The following NUCKS1 variants were observed in gnomAD, a reference collection of about 807,000 sequenced individuals.
The protein encoded by NUCKS1 is nuclear casein kinase and cyclin dependent kinase substrate 1, also known as nuclear ubiquitous casein and cyclin-dependent kinase substrate 1.
In NUCKS1, 2 loss-of-function variants were observed where a neutral mutation model predicts 33.0. The observed-to-expected ratio is 0.06, with a 90% confidence interval of 0.02 to 0.19. NUCKS1 has a LOEUF of 0.19. Ranked by LOEUF, NUCKS1 falls within the 10% of genes least tolerant of loss-of-function variation. The pLI, the probability that NUCKS1 is intolerant of heterozygous loss-of-function variation, is 1.00. For synonymous variants in NUCKS1, 106 were observed against 102.8 expected (o/e 1.03, Z -0.19); for missense variants, 201 against 293.6 (o/e 0.68, Z 2.31).
chr1:205,749,468 C>G (rs942172286), intron 1 of NUCKS1, among the ~76,000 whole-genome samples: 4 of 152,266 alleles, frequency 2.6e-5, no homozygotes, highest in African/African-American at 9.6e-5. Context: ...CCGTCCGCTA[C>G]AGAGAGGGCT....
chr1:205,746,453 T>TCTCACA (rs1491545867), intron 1 of NUCKS1, among the ~76,000 whole-genome samples: 64 of 124,576 alleles, frequency 5.1e-4, no homozygotes, highest in African/African-American at 2.0e-3. Flanking sequence ...TCTCTCTCTC[T>TCTCACA]CACACACACA....
intron 1 of NUCKS1, among the ~76,000 whole-genome samples, chr1:205,731,040 C>CA (rs1558052480): frequency 6.6e-6 from 1 of 151,996 alleles, no homozygotes; most frequent in African/African-American, 2.4e-5. Flanking sequence ...TTATAATGCA[C>CA]AAAAATTATG....
intron 1 of NUCKS1, among the ~76,000 whole-genome samples, chr1:205,745,446 C>A (rs1654296695): frequency 6.6e-6 from 1 of 151,910 alleles, no homozygotes; most frequent in Non-Finnish European, 1.5e-5. Context: ...CCTGTGATCG[C>A]ACCAGTGCAC....
At chr1:205,744,773 T>G (rs1374917857) in intron 1 of NUCKS1, among the ~76,000 whole-genome samples, 1 of 151,736 alleles carries the variant, frequency 6.6e-6, no homozygotes, top group Non-Finnish European at 1.5e-5. Flanking sequence ...GCTGAGATTA[T>G]AGGCATGCGC....
Position 205,750,014 on chromosome 1 carries a change from C to CCGGGGGGGGGGGGGGGGGGGGGGG in NUCKS1, c.-42_-41insCCCCCCCCCCCCCCCCCCCCCCCG. 1.1e-5 allele frequency: 17 copies of CCGGGGGGGGGGGGGGGGGGGGGGG among 1,568,882 alleles called. No individual in the cohort carries two copies. The highest frequency in any genetic ancestry group is 2.4e-5 in the East Asian group (1 of 41,622). ...AGGACCGAGTCGAGAAGCCAAAGAC[C>CCGGGGGGGGGGGGGGGGGGGGGGG]AGGACCCCCCCCACCCCGCGCGCTC... On this transcript the variant is annotated 5_prime_UTR_variant, in exon 1 of 7. Coordinates refer to ENST00000367142, the MANE Select transcript of NUCKS1 (RefSeq NM_022731.5).
intron 4 of NUCKS1, among the ~76,000 whole-genome samples, chr1:205,722,517 A>C (rs1571571693): frequency 6.6e-6 from 1 of 152,142 alleles, no homozygotes; most frequent in East Asian, 1.9e-4. Context: ...TTGGCCTCCC[A>C]AAGTGCTGGG....
intron 4 of NUCKS1, among the ~76,000 whole-genome samples, chr1:205,722,273 T>G (rs755170015): frequency 2.0e-5 from 3 of 152,008 alleles, no homozygotes; most frequent in Non-Finnish European, 4.4e-5. Flanking sequence ...GTTTGTTTTT[T>G]GAGATGGAGT....
rs1381891247 is a variant in NUCKS1 at position 205,716,123 on chromosome 1, CA to C, written c.*2156del. The C allele has an allele frequency of 2.6e-5, 4 of 152,258 alleles. No individual in the cohort carries two copies. Among genetic ancestry groups the C allele is most frequent in the African/African-American group, 9.6e-5 (4 of 41,552 alleles). The allele number at this position is 152,258 out of a possible 1,614,324, so 9.4% of individuals were successfully genotyped here. On this transcript the variant is annotated 3_prime_UTR_variant, in exon 7 of 7. Coordinates refer to ENST00000367142, the MANE Select transcript of NUCKS1 (RefSeq NM_022731.5). ...AACAAGAAGCCCAATCAAATGCACA[CA>C]AGTAATCTAGAAGACATGATTACCT...
intron 1 of NUCKS1, among the ~76,000 whole-genome samples, chr1:205,738,014 T>A (rs77365272): frequency 0.092 from 14,008 of 152,224 alleles, 920 homozygotes; most frequent in Non-Finnish European, 0.14. Context: ...AAAATTATAT[T>A]TATCTATTTT....
intron 1 of NUCKS1, among the ~76,000 whole-genome samples, chr1:205,736,756 G>A (rs934462608): frequency 2.0e-5 from 3 of 151,804 alleles, no homozygotes; most frequent in African/African-American, 4.8e-5. Context: ...GCTTGAACCC[G>A]GGGAACGGAG....
chr1:205,720,781 T>C (rs1009565626), intron 4 of NUCKS1, 128 bp from the exon 5 acceptor site: 10 of 869,886 alleles, frequency 1.1e-5, no homozygotes, highest in Non-Finnish European at 1.5e-5. Context: ...CAATATAGGA[T>C]ATAATCTGCA....
intron 1 of NUCKS1, among the ~76,000 whole-genome samples, chr1:205,741,297 C>CAAAAAAAAAAAAAAA (rs56979923): frequency 8.9e-5 from 7 of 78,920 alleles, no homozygotes; most frequent in East Asian, 3.3e-4. Context: ...GAGACTGTCT[C>CAAAAAAAAAAAAAAA]AAAAAAAAAA....
chr1:205,730,338 C>T (rs903104991), intron 1 of NUCKS1, among the ~76,000 whole-genome samples: 2 of 151,514 alleles, frequency 1.3e-5, no homozygotes, highest in Non-Finnish European at 1.5e-5. Flanking sequence ...CGAGCCACTG[C>T]ACCCAGCCAA....
rs531810509 is a variant in NUCKS1, at chr1:205,727,618, T to C, written c.173+82A>G. ...AGTACTTTTCAAAAGTATATGAGAT[T>C]CCAACAATTTAGAGATCAGAGACTG... On this transcript the variant is annotated intron_variant, in intron 3 of 6. Coordinates refer to ENST00000367142, the MANE Select transcript of NUCKS1 (RefSeq NM_022731.5). 28 of 924,878 alleles carry C rather than the reference T, an allele frequency of 3.0e-5. No homozygotes were observed. The East Asian group carries it at 6.8e-4, about 22-fold the overall frequency. 57.3% of individuals were successfully genotyped at this position (924,878 alleles called of 1,614,324 possible).
Position 205,716,178 on chromosome 1 carries a change from G to A in NUCKS1, c.*2102C>T, listed in dbSNP as rs1263882981. The A allele has an allele frequency of 6.6e-6, 1 of 152,170 alleles. No homozygotes were observed. The highest frequency in any genetic ancestry group is 1.5e-5 in the Non-Finnish European group (1 of 68,038). The allele number at this position is 152,170 out of a possible 1,614,324, so 9.4% of individuals were successfully genotyped here. A position where few individuals can be genotyped will look rare whatever the true frequency, so the allele number is the denominator to read the frequency against. ...AAATATGTGCATATATCACAGAGAT[G>A]TTAGTGCAGATTAATATATTAAAGA... On this transcript the variant is annotated 3_prime_UTR_variant, in exon 7 of 7. Coordinates refer to ENST00000367142, the MANE Select transcript of NUCKS1 (RefSeq NM_022731.5).
intron 1 of NUCKS1, among the ~76,000 whole-genome samples, chr1:205,746,005 T>TA (rs1654311651): frequency 2.6e-5 from 4 of 152,218 alleles, no homozygotes; most frequent in Admixed American, 2.0e-4. Flanking sequence ...CTTATAAAAG[T>TA]AACTTTCCGG....
At chr1:205,749,686 C>T (rs1654434375) in intron 1 of NUCKS1, among the ~76,000 whole-genome samples, 2 of 152,014 alleles carry the variant, frequency 1.3e-5, no homozygotes, top group Non-Finnish European at 2.9e-5. Flanking sequence ...GGACACCCCG[C>T]CCGCTCTAGT....
chr1:205,750,015 A>AGGGGGGGG lies in NUCKS1; in HGVS notation c.-43_-42insCCCCCCCC. ...GGACCGAGTCGAGAAGCCAAAGACC[A>AGGGGGGGG]GGACCCCCCCCACCCCGCGCGCTCG... is the stretch of plus-strand genomic sequence containing the variant. On this transcript the variant is annotated 5_prime_UTR_variant, in exon 1 of 7. Transcript: ENST00000367142. The AGGGGGGGG allele has an allele frequency of 6.6e-7, 1 of 1,506,250 alleles. No individual in the cohort carries two copies. Among genetic ancestry groups the AGGGGGGGG allele is most frequent in the Non-Finnish European group, 9.0e-7 (1 of 1,114,408 alleles). 93.3% of individuals were successfully genotyped at this position (1,506,250 alleles called of 1,614,324 possible).
intron 1 of NUCKS1, among the ~76,000 whole-genome samples, chr1:205,730,634 G>A (rs753918837): frequency 5.6e-4 from 85 of 151,754 alleles, no homozygotes; most frequent in Admixed American, 2.4e-3. Context: ...GATTACAGGC[G>A]TGTGCCACCA....
Sources: gnomAD v4.1 joint callset for allele counts (sites outside exome capture counted in the v4.1 genomes callset) on GRCh38, gnomAD v4.1.1 for gene constraint, MANE v1.5 for transcripts, NCBI Gene and HGNC (gene_info 2026-07-23, HGNC 2026-07-21) for gene names.